The following PPP1R12A variants were observed in gnomAD, a reference collection of about 807,000 sequenced individuals.
PPP1R12A encodes the protein protein phosphatase 1 regulatory subunit 12A.
In PPP1R12A, 19 loss-of-function variants were observed where a neutral mutation model predicts 139.6. That is an observed-to-expected ratio of 0.14 (90% CI 0.09 to 0.20). The LOEUF is 0.20. Among genes scored for constraint, PPP1R12A ranks in the 10% least tolerant of loss-of-function variants. PPP1R12A has a pLI of 1.00. For missense variants in PPP1R12A, 925 were observed against 1,211.5 expected, an observed-to-expected ratio of 0.76 and a Z score of 3.51; for synonymous variants, 427 against 420.6, an observed-to-expected ratio of 1.02 and a Z score of -0.19.
At chr12:79,828,669 CATA>C (rs1439301545) in intron 4 of PPP1R12A, among the ~76,000 whole-genome samples, 2 of 152,002 alleles carry the variant, frequency 1.3e-5, no homozygotes, top group African/African-American at 4.8e-5. Flanking sequence ...GAGTCATTGC[CATA>C]ATAATGCAGT....
At chr12:79,889,757 A>C (rs1443909099) in intron 1 of PPP1R12A, among the ~76,000 whole-genome samples, 1 of 152,126 alleles carries the variant, frequency 6.6e-6, no homozygotes, top group Non-Finnish European at 1.5e-5. Flanking sequence ...AAAATATCAT[A>C]AACTGGGGGA....
At chr12:79,919,468 T>C (rs1433292730) in intron 1 of PPP1R12A, among the ~76,000 whole-genome samples, 1 of 151,726 alleles carries the variant, frequency 6.6e-6, no homozygotes, top group Non-Finnish European at 1.5e-5. Flanking sequence ...GGCAAGAGAA[T>C]TGCTTGAACC....
At chr12:79,922,816 C>T (rs894272049) in intron 1 of PPP1R12A, among the ~76,000 whole-genome samples, 1 of 152,016 alleles carries the variant, frequency 6.6e-6, no homozygotes, top group African/African-American at 2.4e-5. Context: ...CACACCTGCA[C>T]GTTCTGCACA....
At chr12:79,927,024 C>G (rs1013590044) in intron 1 of PPP1R12A, among the ~76,000 whole-genome samples, 2 of 76,948 alleles carry the variant, frequency 2.6e-5, no homozygotes, top group Admixed American at 1.7e-4. Flanking sequence ...CGGGGAGACT[C>G]TGTCAAAGAA....
intron 24 of PPP1R12A, chr12:79,777,664 A>G: frequency 1.0e-6 from 1 of 978,340 alleles, no homozygotes; most frequent in Middle Eastern, 5.3e-4. Context: ...TGCAGGAATC[A>G]GAACATAAAG....
chr12:79,832,406 A>C lies in PPP1R12A; in HGVS notation c.573T>G (p.Asn191Lys), dbSNP rs1441561438. 6.2e-7 allele frequency: 1 copy of C among 1,613,640 alleles called. No individual in the cohort carries two copies. The highest frequency in any genetic ancestry group is 2.2e-5 in the East Asian group (1 of 44,814). ...CTCCAGATTTTGCATGCCGGACATCATTTATATGACCACTATTTAGCCACT... is the reference window on the plus strand; with the variant it reads ...CTCCAGATTTTGCATGCCGGACATCCTTTATATGACCACTATTTAGCCACT... ...ARQWLNSGHI[N>K]DVRHAKSGGT... is the part of the protein sequence containing the mutation. The change falls in exon 4 of 25, where the codon AAT (asparagine) becomes AAG (lysine). Residue 191 changes from asparagine (N) to lysine (K), a missense_variant. Around this residue, in one of 4 missense-constraint regions of PPP1R12A, gnomAD observed 199 missense variants for 352.4 expected, o/e 0.56. Coordinates refer to ENST00000450142, the MANE Select transcript of PPP1R12A (RefSeq NM_002480.3).
chr12:79,908,113 TACTA>T (rs1335322046), intron 1 of PPP1R12A, among the ~76,000 whole-genome samples: 2 of 152,212 alleles, frequency 1.3e-5, no homozygotes, highest in Admixed American at 1.3e-4. Flanking sequence ...TTAGTTAGGA[TACTA>T]ACTAACAATT....
chr12:79,921,479 CTGA>C (rs373080482), intron 1 of PPP1R12A, among the ~76,000 whole-genome samples: 1 of 152,190 alleles, frequency 6.6e-6, no homozygotes, highest in African/African-American at 2.4e-5. Flanking sequence ...AAAACATCTG[CTGA>C]TAAGTTACCT....
At chr12:79,791,872 A>C (rs1419804406) in intron 19 of PPP1R12A, among the ~76,000 whole-genome samples, 1 of 152,144 alleles carries the variant, frequency 6.6e-6, no homozygotes. Context: ...ATGATACCCA[A>C]ATAAAATAAG....
At chr12:79,883,827 C>T (rs1297482929) in intron 1 of PPP1R12A, among the ~76,000 whole-genome samples, 1 of 151,986 alleles carries the variant, frequency 6.6e-6, no homozygotes, top group East Asian at 1.9e-4. Context: ...ATTTGTGATA[C>T]CTTAGTCAGT....
intron 22 of PPP1R12A, among the ~76,000 whole-genome samples, chr12:79,784,330 A>C (rs1015045765): frequency 2.6e-5 from 4 of 152,218 alleles, no homozygotes; most frequent in African/African-American, 9.7e-5. Flanking sequence ...CCAAGGCAGA[A>C]GCTGGGATAT....
At chr12:79,814,421 G>A (rs539828901) in intron 9 of PPP1R12A, among the ~76,000 whole-genome samples, 13 of 141,170 alleles carry the variant, frequency 9.2e-5, no homozygotes, top group African/African-American at 2.9e-4. Context: ...AGCTTGCAGT[G>A]AGCCGAGATC....
At chr12:79,825,028 C>G (rs188128580) in intron 5 of PPP1R12A, 1 of 152,146 alleles carries the variant, frequency 6.6e-6, no homozygotes. Flanking sequence ...AATAATGTAG[C>G]TGGGACAAGT....
intron 18 of PPP1R12A, among the ~76,000 whole-genome samples, chr12:79,794,767 T>C (rs955921385): frequency 1.4e-4 from 5 of 35,016 alleles, no homozygotes; most frequent in Non-Finnish European, 1.9e-3. Flanking sequence ...AGTGAAAGAA[T>C]AGTTAGAAAT....
intron 1 of PPP1R12A, among the ~76,000 whole-genome samples, chr12:79,914,632 G>A (rs1886846612): frequency 6.6e-6 from 1 of 151,954 alleles, no homozygotes; most frequent in Admixed American, 6.6e-5. Context: ...TACAGTTAGA[G>A]TAGGCATGTT....
intron 22 of PPP1R12A, among the ~76,000 whole-genome samples, chr12:79,785,334 C>T (rs368489221): frequency 1.7e-4 from 26 of 152,156 alleles, no homozygotes; most frequent in African/African-American, 5.1e-4. Context: ...TAGTAGCTAC[C>T]GTGCACAGAC....
At chr12:79,781,917 AC>A in intron 22 of PPP1R12A, 55 bp from the exon 23 acceptor site, 1 of 1,044,244 alleles carries the variant, frequency 9.6e-7, no homozygotes, top group Non-Finnish European at 1.4e-6. Context: ...TTCAGGGGTG[AC>A]CACAGTAATT....
chr12:79,812,208 G>A (rs368942720), intron 9 of PPP1R12A, among the ~76,000 whole-genome samples: 1 of 152,090 alleles, frequency 6.6e-6, no homozygotes, highest in Non-Finnish European at 1.5e-5. Context: ...TTTAAGTACT[G>A]CTTTATATGT....
Position 79,812,449 on chromosome 12 carries a change from T to G in PPP1R12A, c.1240-2439A>C, listed in dbSNP as rs61951139. On this transcript the variant is annotated intron_variant, in intron 9 of 24. Coordinates refer to ENST00000450142, the MANE Select transcript of PPP1R12A (RefSeq NM_002480.3). The stretch of plus-strand genomic sequence containing the variant: ...CGTTCCTTATACAGGCTGTGTGTGT[T>G]TGTGTGTGTGTGTGTGTACAACTTT... 9.0e-3 allele frequency among the ~76,000 whole-genome samples: 1,204 copies of G among 133,874 alleles called. 9 individuals carry two copies. The highest frequency in any genetic ancestry group is 0.013 in the South Asian group (54 of 4,136). 87.8% of individuals were successfully genotyped at this position (133,874 alleles called of 152,430 possible).
Sources: allele counts gnomAD v4.1 joint callset (sites outside exome capture counted in the v4.1 genomes callset), GRCh38; gene constraint gnomAD v4.1.1; regional missense constraint gnomAD v4.1.1; transcripts MANE v1.5; gene names NCBI Gene and HGNC (gene_info 2026-07-23, HGNC 2026-07-21).